Variants in BMS1 observed in about 807,000 individuals in gnomAD.
BMS1 encodes BMS1 ribosome biogenesis factor.
Under a neutral mutation model 138.7 loss-of-function variants are expected in BMS1, and 53 were observed. That is an observed-to-expected ratio of 0.38 (90% confidence interval 0.31 to 0.48). The LOEUF (loss-of-function observed/expected upper bound fraction) is 0.48, where lower values mean the gene tolerates loss of function less well. Ranked by LOEUF, BMS1 falls within the 20% of genes least tolerant of loss-of-function variation. BMS1 has a pLI of 0.97. For missense variants in BMS1, 1,360 were observed against 1,565.5 expected, an observed-to-expected ratio of 0.87 and a Z score of 2.22; for synonymous variants, 504 against 539.9, an observed-to-expected ratio of 0.93 and a Z score of 0.92.
chr10:42,787,043 T>G, intron 3 of BMS1, 125 bp from the exon 4 acceptor site: 1 of 741,930 alleles, frequency 1.3e-6, no homozygotes, highest in South Asian at 1.5e-5. Context: ...AATGAACTTC[T>G]TGTATGCTCC....
At chr10:42,826,703 TG>T (rs1196443288) in intron 21 of BMS1, among the ~76,000 whole-genome samples, 1 of 152,174 alleles carries the variant, frequency 6.6e-6, no homozygotes, top group Non-Finnish European at 1.5e-5. Flanking sequence ...TCCTGGGACG[TG>T]GGGGTGCCAT....
At chr10:42,802,287 C>T (rs1176477515) in intron 13 of BMS1, 69 bp downstream of exon 13, 2 of 1,378,214 alleles carry the variant, frequency 1.5e-6, no homozygotes, top group Admixed American at 1.9e-5. Context: ...GTATCTTAGA[C>T]AATAGTCAAA....
At chr10:42,830,772 T>C in intron 22 of BMS1, 94 bp from the exon 23 acceptor site, 3 of 1,077,968 alleles carry the variant, frequency 2.8e-6, no homozygotes, top group Non-Finnish European at 4.0e-6. Flanking sequence ...TAATATTCAT[T>C]TGGATCGTGG....
At chr10:42,826,484 G>A (rs1476803520) in intron 21 of BMS1, among the ~76,000 whole-genome samples, 1 of 152,172 alleles carries the variant, frequency 6.6e-6, no homozygotes, top group Non-Finnish European at 1.5e-5. Flanking sequence ...GAGGCCAGGC[G>A]CAGCATCAGC....
chr10:42,817,462 G>C lies in BMS1; in HGVS notation c.2548G>C (p.Asp850His). Residue 850 changes from aspartate to histidine, a missense_variant, in exon 15 of 23, where the codon GAT (aspartate) becomes CAT (histidine). Transcript: ENST00000374518. ...YDEGESTYFD[D>H]LKGEMQKQAQ... ...TGAAGGAGAAAGCACATATTTTGAT[G>C]ATCTTAAAGGAGAAATGCAGAAACA... 1 of 1,601,866 alleles carries C rather than the reference G, an allele frequency of 6.2e-7. No individual in the cohort carries two copies. The highest frequency in any genetic ancestry group is 8.5e-7 in the Non-Finnish European group (1 of 1,177,706).
rs199913378 is a variant in BMS1 at position 42,793,891 on chromosome 10, A to C, written c.1129A>C (p.Ile377Leu). The stretch of plus-strand genomic sequence containing the variant: ...CACCCATGAGCTGGTCCAGAGTCTC[A>C]TCTCTACCCACTCCACCATTGATGC... ...GPTHELVQSL[I>L]STHSTIDAKM... is the part of the protein sequence containing the mutation. The change falls in exon 9 of 23, where the codon ATC becomes CTC. Residue 377 changes from isoleucine (I) to leucine (L), a missense_variant. Ile to Leu is a conservative substitution (Grantham distance 5). This residue lies in a region of BMS1 where 697 missense variants were observed against 686.2 expected (regional missense o/e 1.02). Transcript: ENST00000374518. The C allele has an allele frequency of 3.7e-4, 596 of 1,611,890 alleles. 2 individuals carry two copies. The highest frequency in any genetic ancestry group is 2.9e-3 in the Middle Eastern group (13 of 4,430).
intron 8 of BMS1, 133 bp from the exon 9 acceptor site, chr10:42,793,719 C>T: frequency 9.2e-7 from 1 of 1,081,404 alleles, no homozygotes; most frequent in Admixed American, 2.3e-5. Context: ...GGATTTTCTT[C>T]TCTGCTTTTT....
chr10:42,833,255 TTAAAC>T lies in BMS1; in HGVS notation c.*2164_*2168del, dbSNP rs1175250683. 5.3e-5 allele frequency: 8 copies of T among 152,158 alleles called. No individual in the cohort carries two copies. The highest frequency in any genetic ancestry group is 6.5e-5 in the Admixed American group (1 of 15,278). The allele number at this position is 152,158 out of a possible 1,614,324, so 9.4% of individuals were successfully genotyped here. On this transcript the variant is annotated 3_prime_UTR_variant, in exon 23 of 23. Coordinates refer to ENST00000374518, the MANE Select transcript of BMS1 (RefSeq NM_014753.4). ...TAAAAAGTTTGCATATTAAGATTAT[TTAAAC>T]TAAAGTTAAGGAATCTCTAATGTCT...
At chr10:42,822,024 A>G in intron 18 of BMS1, 38 bp from the exon 19 acceptor site, 1 of 1,572,846 alleles carries the variant, frequency 6.4e-7, no homozygotes, top group African/African-American at 1.3e-5. Flanking sequence ...TCTCTTGCTG[A>G]TATTATTCCT....
rs368505004 is a variant in BMS1, at chr10:42,820,495, C to T, written c.2770-13C>T. On this transcript the variant is annotated splice_polypyrimidine_tract_variant and intron_variant, in intron 16 of 22. Coordinates refer to ENST00000374518, the MANE Select transcript of BMS1 (RefSeq NM_014753.4). ...TCCCCTCCATCAATCATCTTACCCT[C>T]TCGTCCCCTCAGATGCGTCTGAAGA... is the stretch of plus-strand genomic sequence containing the variant. The T allele has an allele frequency of 1.2e-6, 2 of 1,611,166 alleles. No homozygotes were observed. The highest frequency in any genetic ancestry group is 4.5e-5 in the East Asian group (2 of 44,876).
intron 2 of BMS1, among the ~76,000 whole-genome samples, chr10:42,785,274 A>G (rs1351665855): frequency 6.6e-6 from 1 of 152,174 alleles, no homozygotes; most frequent in African/African-American, 2.4e-5. Flanking sequence ...ATTGAACAGC[A>G]ATTATTTGGA....
intron 21 of BMS1, among the ~76,000 whole-genome samples, chr10:42,828,278 T>C (rs1236277475): frequency 2.6e-5 from 4 of 152,282 alleles, no homozygotes; most frequent in African/African-American, 9.6e-5. Flanking sequence ...TGTTCTTGTC[T>C]ATGGCAGACA....
rs1421857114 is a variant in BMS1 at position 42,820,371 on chromosome 10, C to T, written c.2716C>T (p.Pro906Ser). ...TGTGCAGAACTTTGACCCCCATTAC[C>T]CCATTATCCTGGGTGGCTTGGGCAA... is the stretch of plus-strand genomic sequence containing the variant. ...EFVQNFDPHY[P>S]IILGGLGNSE... The change falls in exon 16 of 23, where the codon CCC (proline) becomes TCC (serine). Residue 906 changes from proline (P) to serine (S), a missense_variant. This residue lies in a region of BMS1 where 425 missense variants were observed against 568.3 expected (regional missense o/e 0.75). Coordinates refer to ENST00000374518, the MANE Select transcript of BMS1 (RefSeq NM_014753.4). 45 of 1,613,624 alleles carry T rather than the reference C, an allele frequency of 2.8e-5. No homozygotes were observed. Among genetic ancestry groups the T allele is most frequent in the Non-Finnish European group, 3.8e-5 (45 of 1,179,854 alleles).
chr10:42,785,973 A>G (rs1841315628), intron 3 of BMS1, among the ~76,000 whole-genome samples: 1 of 152,206 alleles, frequency 6.6e-6, no homozygotes, highest in Non-Finnish European at 1.5e-5. Context: ...CACCAGCCAC[A>G]GTCCTCTTCC....
intron 13 of BMS1, among the ~76,000 whole-genome samples, chr10:42,810,077 C>T (rs1023924736): frequency 2.6e-5 from 4 of 151,278 alleles, no homozygotes; most frequent in Non-Finnish European, 4.4e-5. Context: ...GTTAGGTTTA[C>T]AGGCAGGAGC....
chr10:42,821,574 A>G (rs1842505276), intron 18 of BMS1, among the ~76,000 whole-genome samples: 1 of 86,330 alleles, frequency 1.2e-5, no homozygotes, highest in Non-Finnish European at 2.0e-5. Context: ...TTTTTTTGAG[A>G]CAGAGTCTCA....
chr10:42,830,243 CTTTG>C lies in BMS1; in HGVS notation c.3457-14_3457-11del, dbSNP rs372559744. The C allele has an allele frequency of 1.9e-4, 313 of 1,608,986 alleles. 3 individuals carry two copies. In the Middle Eastern group the frequency reaches 7.9e-3, roughly 41 times the overall value. ...GATCATAATTTGAATATGTCACAGTCTTTGTTTTTCTTTTCAGCCAATCCTGAGG... is the reference window on the plus strand; with the variant it reads ...GATCATAATTTGAATATGTCACAGTCTTTTTCTTTTCAGCCAATCCTGAGG... On this transcript the variant is annotated splice_polypyrimidine_tract_variant and intron_variant, in intron 21 of 22. Transcript: ENST00000374518.
At chr10:42,815,232 A>G (rs985684537) in intron 13 of BMS1, among the ~76,000 whole-genome samples, 13 of 152,228 alleles carry the variant, frequency 8.5e-5, no homozygotes, top group South Asian at 2.1e-4. Flanking sequence ...AATATTTACA[A>G]CACCTACTTC....
In BMS1 at chr10:42,817,472, G is replaced by T; in HGVS notation, c.2558G>T (p.Gly853Val). 2 of 1,602,770 alleles carry T rather than the reference G, an allele frequency of 1.2e-6. No individual in the cohort carries two copies. The highest frequency in any genetic ancestry group is 1.1e-5 in the South Asian group (1 of 88,526). The change falls in exon 15 of 23, where the codon GGA (glycine) becomes GTA (valine). Residue 853 changes from glycine (G) to valine (V), a missense_variant. Gly to Val is a moderately radical substitution (Grantham distance 109). Coordinates refer to ENST00000374518, the MANE Select transcript of BMS1 (RefSeq NM_014753.4). The stretch of plus-strand genomic sequence containing the variant: ...AGCACATATTTTGATGATCTTAAAG[G>T]AGAAATGCAGAAACAAGCACAGGTG... Reference protein sequence around the residue: ...GESTYFDDLKGEMQKQAQLNR... With the variant: ...GESTYFDDLKVEMQKQAQLNR...
Sources: gnomAD v4.1 joint callset for allele counts (sites outside exome capture counted in the v4.1 genomes callset) on GRCh38, gnomAD v4.1.1 for gene constraint, gnomAD v4.1.1 regional missense constraint, MANE v1.5 for transcripts, NCBI Gene and HGNC (gene_info 2026-07-23, HGNC 2026-07-21) for gene names.